The following TBCE variants were observed in gnomAD, a reference collection of about 807,000 sequenced individuals.
TBCE encodes the protein tubulin folding cofactor E, also known as tubulin-specific chaperone E.
A neutral mutation model predicts 77.0 loss-of-function variants in TBCE; 53 were observed. The observed-to-expected ratio is 0.69, with a 90% CI of 0.55 to 0.87. The LOEUF is 0.87. Ranked by LOEUF, TBCE falls within the 40% of genes least tolerant of loss-of-function variation. TBCE has a pLI of 0.00. For synonymous variants in TBCE, 235 were observed against 241.3 expected, an observed-to-expected ratio of 0.97 and a Z score of 0.24; for missense variants, 624 against 622.4, an observed-to-expected ratio of 1.00 and a Z score of -0.03.
intron 6 of TBCE, 28 bp from the exon 7 acceptor site, chr1:235,430,676 AG>A: frequency 6.5e-7 from 1 of 1,528,198 alleles, no homozygotes; most frequent in South Asian, 1.1e-5. Context: ...TATAGAAATA[AG>A]TACATTGTAT....
In TBCE at chr1:235,398,326, A is replaced by G. The variant is rs149393886; in HGVS notation, c.101-3177A>G. On this transcript the variant is annotated intron_variant, in intron 2 of 16. Coordinates refer to ENST00000642610, the MANE Select transcript of TBCE (RefSeq NM_003193.5). ...ACGCCCGGCTAATTTTTCTATTTTT[A>G]GTAGAGATGGGGTTTTGCCATGTTG... 2.0e-4 allele frequency among the ~76,000 whole-genome samples: 31 copies of G among 151,680 alleles called. No homozygotes were observed. In the East Asian group the frequency reaches 6.1e-3, roughly 30 times the overall value.
chr1:235,398,135 CTTCT>C (rs1448570662), intron 2 of TBCE, among the ~76,000 whole-genome samples: 4 of 127,654 alleles, frequency 3.1e-5, no homozygotes, highest in Admixed American at 2.6e-4. Flanking sequence ...ATAACATTTA[CTTCT>C]TTCTTTTTTT....
At chr1:235,408,885 A>G (rs1460502583) in intron 3 of TBCE, among the ~76,000 whole-genome samples, 1 of 152,182 alleles carries the variant, frequency 6.6e-6, no homozygotes, top group African/African-American at 2.4e-5. Flanking sequence ...CCAACAAGAA[A>G]GAAGCTTACT....
rs571479507 is a variant in TBCE at position 235,420,723 on chromosome 1, C to T, written c.460+1162C>T. ...GTCTTGATCTCTTGACCTGGTCATC[C>T]GCCCACCTTGGCCTCCCAGAGTGCT... is the stretch of plus-strand genomic sequence containing the variant. On this transcript the variant is annotated intron_variant, in intron 5 of 16. Coordinates refer to ENST00000642610, the MANE Select transcript of TBCE (RefSeq NM_003193.5). 1.1e-3 allele frequency among the ~76,000 whole-genome samples: 170 copies of T among 152,272 alleles called. 2 individuals are homozygous for T. The highest frequency in any genetic ancestry group is 3.8e-3 in the African/African-American group (156 of 41,554).
chr1:235,390,817 G>A (rs187939363), intron 2 of TBCE, among the ~76,000 whole-genome samples: 18 of 151,650 alleles, frequency 1.2e-4, no homozygotes, highest in Non-Finnish European at 1.6e-4. Context: ...TCAGTGTGAC[G>A]TGAGAATGTT....
At position 235,448,723 on chromosome 1, in the gene TBCE, T is replaced by C; in HGVS notation, c.1545T>C (p.Tyr515=). ...LENDLKSLQF[Y]SVENGDCLLV... ...ATGACCTAAAGTCATTACAGTTTTATTCTGTGGAAAATGGAGATTGTCTAT... is the reference window on the plus strand; with the variant it reads ...ATGACCTAAAGTCATTACAGTTTTACTCTGTGGAAAATGGAGATTGTCTAT... The change falls in exon 17 of 17, where the codon TAT becomes TAC. Residue 515 remains tyrosine (Y), a synonymous_variant. Transcript: ENST00000642610. 6.2e-7 allele frequency: 1 copy of C among 1,614,138 alleles called. No homozygotes were observed. Among genetic ancestry groups the C allele is most frequent in the Non-Finnish European group, 8.5e-7 (1 of 1,180,000 alleles).
chr1:235,423,300 G>T (rs1444623508), intron 5 of TBCE, among the ~76,000 whole-genome samples: 1 of 152,092 alleles, frequency 6.6e-6, no homozygotes, highest in African/African-American at 2.4e-5. Context: ...TCCTTGAACG[G>T]TGTGTGTGGG....
chr1:235,406,573 C>G (rs1347661659), intron 3 of TBCE, among the ~76,000 whole-genome samples: 1 of 152,194 alleles, frequency 6.6e-6, no homozygotes, highest in African/African-American at 2.4e-5. Flanking sequence ...ACTCAGTCGC[C>G]CAGGCTGGAG....
intron 15 of TBCE, among the ~76,000 whole-genome samples, chr1:235,445,669 C>CT (rs1005468852): frequency 5.3e-5 from 8 of 151,430 alleles, no homozygotes; most frequent in East Asian, 3.9e-4. Context: ...ACTGCAATAT[C>CT]TTTTTTTTTA....
intron 1 of TBCE, among the ~76,000 whole-genome samples, chr1:235,370,886 C>T (rs1165100012): frequency 2.7e-5 from 4 of 150,422 alleles, no homozygotes; most frequent in African/African-American, 4.9e-5. Flanking sequence ...GGATTACAGG[C>T]GCACGCCACC....
chr1:235,411,117 A>G (rs1192736846), intron 3 of TBCE, among the ~76,000 whole-genome samples: 1 of 152,244 alleles, frequency 6.6e-6, no homozygotes, highest in Non-Finnish European at 1.5e-5. Context: ...AGCCAATTCC[A>G]ATATGTGCCC....
At chr1:235,446,116 A>T (rs1023547837) in intron 15 of TBCE, among the ~76,000 whole-genome samples, 3 of 152,242 alleles carry the variant, frequency 2.0e-5, no homozygotes, top group Admixed American at 1.3e-4. Flanking sequence ...TGGCATGAAA[A>T]GCTATACCAT....
At chr1:235,386,440 C>G (rs1447899865) in intron 2 of TBCE, among the ~76,000 whole-genome samples, 1 of 151,874 alleles carries the variant, frequency 6.6e-6, no homozygotes, top group Non-Finnish European at 1.5e-5. Flanking sequence ...GTACACCAAT[C>G]AGACGTAGAT....
At chr1:235,430,609 C>A in intron 6 of TBCE, 96 bp from the exon 7 acceptor site, 2 of 804,168 alleles carry the variant, frequency 2.5e-6, no homozygotes, top group Non-Finnish European at 4.1e-6. Flanking sequence ...CAAATCAAAC[C>A]CCTTAGATTA....
At chr1:235,385,203 C>A (rs1290454054) in intron 2 of TBCE, among the ~76,000 whole-genome samples, 1 of 152,076 alleles carries the variant, frequency 6.6e-6, no homozygotes, top group Admixed American at 6.6e-5. Context: ...AATGTCTGAT[C>A]TTTTACATTT....
rs10802710 is a variant in TBCE, at chr1:235,433,366, G to A, written c.661-838G>A. Reference sequence around the variant, plus strand: ...CTCCCAAGTAGCTGGGATTACAGACGTGCACTACCACGCCTGGCTAATTTT... The same window carrying A: ...CTCCCAAGTAGCTGGGATTACAGACATGCACTACCACGCCTGGCTAATTTT... On this transcript the variant is annotated intron_variant, in intron 7 of 16. Coordinates refer to ENST00000642610, the MANE Select transcript of TBCE (RefSeq NM_003193.5). 115,404 of 233,448 alleles carry A rather than the reference G, an allele frequency of 0.49. 29,170 individuals are homozygous for A. Among genetic ancestry groups the A allele is most frequent in the East Asian group, 0.62 (6,753 of 10,810 alleles). The allele number at this position is 233,448 out of a possible 1,614,324, so 14.5% of individuals were successfully genotyped here. A position where few individuals can be genotyped will look rare whatever the true frequency, so the allele number is the denominator to read the frequency against.
intron 1 of TBCE, among the ~76,000 whole-genome samples, chr1:235,378,056 T>G (rs1473436606): frequency 6.6e-6 from 1 of 152,174 alleles, no homozygotes; most frequent in Admixed American, 6.6e-5. Context: ...TAGTCAGTAA[T>G]GTATTCTAAC....
At chr1:235,382,560 G>T (rs1414151696) in intron 2 of TBCE, among the ~76,000 whole-genome samples, 1 of 152,078 alleles carries the variant, frequency 6.6e-6, no homozygotes, top group Non-Finnish European at 1.5e-5. Context: ...TTTCTCTGAT[G>T]GCCAGTGATG....
Position 235,441,821 on chromosome 1 carries a change from T to C in TBCE, c.1278T>C (p.Gly426=). The stretch of plus-strand genomic sequence containing the variant: ...TTTTGCTTTCTTAAACAGAATATGG[T>C]GCACCTGAAGATTGGGAACTCAAAA... ...PRYQFLCLKY[G]APEDWELKTQ... is the part of the protein sequence containing the mutation. Residue 426 remains glycine (G), a synonymous_variant, in exon 14 of 17, where the codon GGT becomes GGC. Coordinates refer to ENST00000642610, the MANE Select transcript of TBCE (RefSeq NM_003193.5). 1.9e-6 allele frequency: 3 copies of C among 1,613,986 alleles called. No homozygotes were observed. Among genetic ancestry groups the C allele is most frequent in the Non-Finnish European group, 2.5e-6 (3 of 1,179,946 alleles).
Sources: allele counts gnomAD v4.1 joint callset (sites outside exome capture counted in the v4.1 genomes callset), GRCh38; gene constraint gnomAD v4.1.1; transcripts MANE v1.5; gene names NCBI Gene and HGNC (gene_info 2026-07-23, HGNC 2026-07-21).